The following ZNF175 variants were observed in gnomAD, a reference collection of about 807,000 sequenced individuals.
ZNF175 encodes the protein zinc finger protein 175.
Under a neutral mutation model 14.0 loss-of-function variants are expected in ZNF175, and 8 were observed. The ratio of observed to expected loss-of-function variants is 0.57; its 90% CI spans 0.34 to 1.03. ZNF175 has a LOEUF of 1.03. Among genes scored for constraint, ZNF175 ranks in the 50% least tolerant of loss-of-function variants. The probability of loss-of-function intolerance (pLI) is 0.03; values close to 1 mark genes in which losing one functional copy is unlikely to be tolerated. For synonymous variants in ZNF175, 255 were observed against 296.8 expected (o/e 0.86, Z 1.45); for missense variants, 764 against 849.5 (o/e 0.90, Z 1.25).
rs372753113 is a variant in ZNF175, at chr19:51,588,328, C to T, written c.1997C>T (p.Thr666Met). 1.7e-5 allele frequency: 28 copies of T among 1,614,130 alleles called. No individual in the cohort carries two copies. In the East Asian group the frequency reaches 2.0e-4, roughly 12 times the overall value. ...PQLKVHQRIHTGERPYVCSEC... is the reference protein window; with the variant it reads ...PQLKVHQRIHMGERPYVCSEC... ...CTCAAGGTGCATCAGCGAATTCACACGGGAGAAAGACCTTATGTGTGTTCT... is the reference window on the plus strand; with the variant it reads ...CTCAAGGTGCATCAGCGAATTCACATGGGAGAAAGACCTTATGTGTGTTCT... The change falls in exon 5 of 5, where the codon ACG becomes ATG. Residue 666 changes from threonine to methionine, a missense_variant. Transcript: ENST00000262259.
chr19:51,577,439 T>C (rs1209427315), intron 2 of ZNF175, among the ~76,000 whole-genome samples: 1 of 150,284 alleles, frequency 6.7e-6, no homozygotes, highest in Non-Finnish European at 1.5e-5. Context: ...TCAACTTTAT[T>C]TTCTAGCCCT....
intron 2 of ZNF175, among the ~76,000 whole-genome samples, chr19:51,577,944 T>C (rs1195887576): frequency 1.3e-5 from 2 of 150,962 alleles, no homozygotes; most frequent in Admixed American, 6.6e-5. Context: ...ATTACAGGCG[T>C]GAGCCACCGC....
intron 1 of ZNF175, among the ~76,000 whole-genome samples, chr19:51,572,335 G>A (rs1206122643): frequency 6.6e-6 from 1 of 152,172 alleles, no homozygotes. Flanking sequence ...ATTCAGGTGC[G>A]GTGGGGGCAA....
intron 2 of ZNF175, among the ~76,000 whole-genome samples, chr19:51,577,856 G>A (rs563008791): frequency 7.9e-5 from 12 of 151,182 alleles, no homozygotes; most frequent in South Asian, 4.2e-4. Context: ...GTAGAGATGG[G>A]GTTTCACCGT....
intron 2 of ZNF175, among the ~76,000 whole-genome samples, chr19:51,578,137 G>A (rs1014193475): frequency 2.0e-5 from 3 of 151,610 alleles, no homozygotes; most frequent in South Asian, 4.2e-4. Flanking sequence ...AGTGGCTCAC[G>A]CCTGTAATCC....
At chr19:51,583,534 A>C (rs899685743) in intron 4 of ZNF175, among the ~76,000 whole-genome samples, 2 of 152,220 alleles carry the variant, frequency 1.3e-5, no homozygotes, top group African/African-American at 4.8e-5. Context: ...GTATTACAAC[A>C]AACTAGATCC....
At chr19:51,577,948 C>T (rs1981863383) in intron 2 of ZNF175, among the ~76,000 whole-genome samples, 3 of 151,198 alleles carry the variant, frequency 2.0e-5, no homozygotes, top group South Asian at 4.2e-4. Context: ...CAGGCGTGAG[C>T]CACCGCACCT....
Position 51,589,379 on chromosome 19 carries a change from T to C in ZNF175, c.*912T>C. On this transcript the variant is annotated 3_prime_UTR_variant, in exon 5 of 5. Coordinates refer to ENST00000262259, the MANE Select transcript of ZNF175 (RefSeq NM_007147.4). ...TATTTTTTAAGAGAATCTAATCTAA[T>C]TGTTTTTATAAAAATTATTCCCTAT... 1.7e-6 allele frequency: 1 copy of C among 583,376 alleles called. No homozygotes were observed. The highest frequency in any genetic ancestry group is 3.0e-6 in the Non-Finnish European group (1 of 330,828). 36.1% of individuals were successfully genotyped at this position (583,376 alleles called of 1,614,324 possible).
In ZNF175 at chr19:51,573,325, T is replaced by G. The variant is rs765686639; in HGVS notation, c.-5T>G. On this transcript the variant is annotated 5_prime_UTR_variant, in exon 2 of 5. Coordinates refer to ENST00000262259, the MANE Select transcript of ZNF175 (RefSeq NM_007147.4). ...AGAGACCGAGAGTAGAAGCCCAGAG[T>G]GGAGATGCCTGCTGATGTGAATTTA... 6.2e-7 allele frequency: 1 copy of G among 1,612,008 alleles called. No homozygotes were observed. Among genetic ancestry groups the G allele is most frequent in the South Asian group, 1.1e-5 (1 of 90,824 alleles).
Position 51,589,985 on chromosome 19 carries a change from G to T in ZNF175, c.*1518G>T. The T allele has an allele frequency of 1.0e-5, 2 of 193,670 alleles. No homozygotes were observed. The highest frequency in any genetic ancestry group is 1.2e-4 in the East Asian group (1 of 8,144). The allele number at this position is 193,670 out of a possible 1,614,324, so 12.0% of individuals were successfully genotyped here. A position where few individuals can be genotyped will look rare whatever the true frequency, so the allele number is the denominator to read the frequency against. ...ACTCAGATCTCTTACGTGTGTGGAT[G>T]GTATTTTTTTCATTCTACAATCCAT... is the stretch of plus-strand genomic sequence containing the variant. On this transcript the variant is annotated 3_prime_UTR_variant, in exon 5 of 5. Transcript: ENST00000262259.
At position 51,587,402 on chromosome 19, in the gene ZNF175, C is replaced by T. The variant is rs745535409; in HGVS notation, c.1071C>T (p.His357=). 1.6e-5 allele frequency: 26 copies of T among 1,613,982 alleles called. No individual in the cohort carries two copies. The highest frequency in any genetic ancestry group is 2.2e-5 in the East Asian group (1 of 44,906). Residue 357 remains histidine (H), a synonymous_variant, in exon 5 of 5, where the codon CAC becomes CAT. Transcript: ENST00000262259. The part of the protein sequence containing the change: ...RSELLTHQKT[H]TRKKPYKCHD... ...AATTGCTTACGCACCAGAAAACACA[C>T]ACTAGAAAGAAGCCCTATAAATGCC...
Position 51,573,242 on chromosome 19 carries a change from GA to G in ZNF175, c.-84del, listed in dbSNP as rs1981651999. On this transcript the variant is annotated 5_prime_UTR_variant, in exon 2 of 5. Transcript: ENST00000262259. ...CGACTCTCCGCCGTGTCCCTGGTTG[GA>G]AAATCCAAACACCTATCCAGCTTCT... 5.0e-6 allele frequency: 7 copies of G among 1,389,432 alleles called. No homozygotes were observed. In the East Asian group the frequency reaches 1.6e-4, roughly 32 times the overall value. 86.1% of individuals were successfully genotyped at this position (1,389,432 alleles called of 1,614,324 possible).
chr19:51,591,787 G>C lies in ZNF175; in HGVS notation c.*3320G>C, dbSNP rs8112486. The C allele has an allele frequency of 0.14, 20,657 of 143,812 alleles. 1,862 individuals are homozygous for C. The highest frequency in any genetic ancestry group is 0.19 in the Middle Eastern group (51 of 274). 8.9% of individuals were successfully genotyped at this position (143,812 alleles called of 1,614,324 possible). On this transcript the variant is annotated 3_prime_UTR_variant, in exon 5 of 5. Coordinates refer to ENST00000262259, the MANE Select transcript of ZNF175 (RefSeq NM_007147.4). ...GACCTTTTTTTTTTTTTTCTTGTGA[G>C]ATGGAGTCTCGCTCTGTCGCCCAGG...
intron 2 of ZNF175, 70 bp downstream of exon 2, chr19:51,573,471 G>T (rs563127210): frequency 6.8e-7 from 1 of 1,465,008 alleles, no homozygotes; most frequent in South Asian, 1.2e-5. Flanking sequence ...GCAGGTCTGG[G>T]CTCCCTGCTC....
At position 51,589,012 on chromosome 19, in the gene ZNF175, G is replaced by T. The variant is rs1982269343; in HGVS notation, c.*545G>T. On this transcript the variant is annotated 3_prime_UTR_variant, in exon 5 of 5. Coordinates refer to ENST00000262259, the MANE Select transcript of ZNF175 (RefSeq NM_007147.4). ...AATGCCTGGGATCAGAAGCATTTTG[G>T]ATTTCAGATACTTACAGATTTTGGA... 1 of 296,556 alleles carries T rather than the reference G, an allele frequency of 3.4e-6. No individual in the cohort carries two copies. The highest frequency in any genetic ancestry group is 5.0e-5 in the Admixed American group (1 of 20,062). The allele number at this position is 296,556 out of a possible 1,614,324, so 18.4% of individuals were successfully genotyped here. A position where few individuals can be genotyped will look rare whatever the true frequency, so the allele number is the denominator to read the frequency against.
chr19:51,588,409 A>T lies in ZNF175; in HGVS notation c.2078A>T (p.His693Leu). ...AACTTCAATAAACACCAAACAACTC[A>T]TACCAGAGACAAATCTTACAAATGC... is the stretch of plus-strand genomic sequence containing the variant. ...RSNFNKHQTT[H>L]TRDKSYKCSY... The change falls in exon 5 of 5, where the codon CAT (histidine) becomes CTT (leucine). Residue 693 changes from histidine to leucine, a missense_variant. Coordinates refer to ENST00000262259, the MANE Select transcript of ZNF175 (RefSeq NM_007147.4). 1 of 1,600,188 alleles carries T rather than the reference A, an allele frequency of 6.2e-7. No homozygotes were observed. The highest frequency in any genetic ancestry group is 8.5e-7 in the Non-Finnish European group (1 of 1,175,030).
rs1368032747 is a variant in ZNF175 at position 51,588,512 on chromosome 19, T to C, written c.*45T>C. ...ATTCATAAATGAAATATACTCCGAG[T>C]TTCTTGAAGAAGAGAAAATCTTCTC... On this transcript the variant is annotated 3_prime_UTR_variant, in exon 5 of 5. Coordinates refer to ENST00000262259, the MANE Select transcript of ZNF175 (RefSeq NM_007147.4). 6.7e-7 allele frequency: 1 copy of C among 1,497,472 alleles called. No homozygotes were observed. The highest frequency in any genetic ancestry group is 1.4e-5 in the African/African-American group (1 of 71,478). 92.8% of individuals were successfully genotyped at this position (1,497,472 alleles called of 1,614,324 possible).
intron 4 of ZNF175, among the ~76,000 whole-genome samples, chr19:51,582,511 A>C (rs1181107291): frequency 6.6e-6 from 1 of 152,146 alleles, no homozygotes; most frequent in African/African-American, 2.4e-5. Context: ...GTTAGCCAGG[A>C]TGGTCTCGAT....
In ZNF175 at chr19:51,587,475, C is replaced by A; in HGVS notation, c.1144C>A (p.Gln382Lys). Residue 382 changes from glutamine to lysine, a missense_variant, in exon 5 of 5, where the codon CAG becomes AAG. Transcript: ENST00000262259. ...FFQMLSLFRH[Q>K]RTHSREKLYE... ...CCAGATGTTATCTCTCTTCAGACAT[C>A]AGAGAACTCACAGTAGAGAAAAACT... The A allele has an allele frequency of 6.2e-7, 1 of 1,614,174 alleles. No homozygotes were observed. The highest frequency in any genetic ancestry group is 1.1e-5 in the South Asian group (1 of 91,084).
Sources: allele counts gnomAD v4.1 joint callset (sites outside exome capture counted in the v4.1 genomes callset), GRCh38; gene constraint gnomAD v4.1.1; transcripts MANE v1.5; gene names NCBI Gene and HGNC (gene_info 2026-07-23, HGNC 2026-07-21).